Variants in ARFGEF1 observed in about 807,000 individuals in gnomAD.
ARFGEF1 encodes brefeldin A-inhibited guanine nucleotide-exchange protein 1.
ARFGEF1 carries 42 observed loss-of-function variants against 231.0 expected under a neutral mutation model. The ratio of observed to expected loss-of-function variants is 0.18; its 90% CI spans 0.14 to 0.24. ARFGEF1 has a LOEUF of 0.24. Among genes scored for constraint, ARFGEF1 ranks in the 10% least tolerant of loss-of-function variants. ARFGEF1 has a pLI of 1.00. For missense variants in ARFGEF1, 1,345 were observed against 2,192.0 expected (o/e 0.61, Z 7.72); for synonymous variants, 710 against 732.3 (o/e 0.97, Z 0.49).
rs1461745717 is a variant in ARFGEF1 at position 67,281,740 on chromosome 8, T to C, written c.1028-4283A>G. On this transcript the variant is annotated intron_variant, in intron 7 of 38. Transcript: ENST00000262215. Reference sequence around the variant, plus strand: ...AATATGAGTTCAGAAGGTGACCAAATAGGAGATAAATATGGAAAAACAAGA... The same window carrying C: ...AATATGAGTTCAGAAGGTGACCAAACAGGAGATAAATATGGAAAAACAAGA... Among the ~76,000 whole-genome samples the C allele has an allele frequency of 1.3e-5, 2 of 151,914 alleles. 1 individual carries two copies. Among genetic ancestry groups the C allele is most frequent in the Non-Finnish European group, 2.9e-5 (2 of 67,936 alleles).
At chr8:67,217,973 C>A (rs781655651) in intron 31 of ARFGEF1, 30 bp downstream of exon 31, 1 of 1,611,872 alleles carries the variant, frequency 6.2e-7, no homozygotes, top group African/African-American at 1.3e-5. Context: ...ACATTTAACA[C>A]TTTGTGTCAC....
At chr8:67,235,559 T>G (rs1587102273) in intron 22 of ARFGEF1, among the ~76,000 whole-genome samples, 2 of 152,316 alleles carry the variant, frequency 1.3e-5, no homozygotes, top group East Asian at 1.9e-4. Context: ...CCAGGTGCCA[T>G]GGCTCGTGCC....
chr8:67,236,365 A>AAATATATATATATATATAT (rs1554638966), intron 22 of ARFGEF1, among the ~76,000 whole-genome samples: 1 of 29,066 alleles, frequency 3.4e-5, no homozygotes, highest in Non-Finnish European at 5.9e-5. Flanking sequence ...AAAAAAAAAA[A>AAATATATATATATATATAT]ATATATATAT....
intron 1 of ARFGEF1, among the ~76,000 whole-genome samples, chr8:67,318,957 CCT>C (rs1807453246): frequency 6.6e-6 from 1 of 152,072 alleles, no homozygotes; most frequent in Non-Finnish European, 1.5e-5. Context: ...AGAACGAGAC[CCT>C]GTCTCAAAAC....
intron 5 of ARFGEF1, among the ~76,000 whole-genome samples, chr8:67,293,511 C>T (rs1019905892): frequency 6.6e-5 from 10 of 152,128 alleles, no homozygotes; most frequent in South Asian, 2.1e-4. Context: ...TAAATTAATG[C>T]CACTACAGAG....
chr8:67,288,804 A>T (rs1805872534), intron 6 of ARFGEF1, among the ~76,000 whole-genome samples: 1 of 152,162 alleles, frequency 6.6e-6, no homozygotes, highest in Admixed American at 6.5e-5. Context: ...ATGGTACTCT[A>T]TGGTGAGGTC....
At chr8:67,229,934 G>C (rs1447066850) in intron 23 of ARFGEF1, among the ~76,000 whole-genome samples, 2 of 152,106 alleles carry the variant, frequency 1.3e-5, no homozygotes, top group Non-Finnish European at 2.9e-5. Context: ...ACAGGGAAGG[G>C]AAGCAATAGA....
At chr8:67,235,084 A>ATG (rs746111295) in intron 22 of ARFGEF1, among the ~76,000 whole-genome samples, 1,251 of 121,954 alleles carry the variant, frequency 0.01, 12 homozygotes, top group Admixed American at 0.018. Flanking sequence ...ATATATATAT[A>ATG]TGTGTGTGTG....
chr8:67,343,367 A>G lies in ARFGEF1; in HGVS notation c.-80T>C. The G allele has an allele frequency of 2.0e-6, 3 of 1,480,310 alleles. No homozygotes were observed. Among genetic ancestry groups the G allele is most frequent in the Non-Finnish European group, 2.7e-6 (3 of 1,100,684 alleles). 91.7% of individuals were successfully genotyped at this position (1,480,310 alleles called of 1,614,324 possible). ...GGGGAGGAGGAGGAGAGGAAGGAAG[A>G]GAAGAGAGAAAGGAGAGGGGGTGGA... On this transcript the variant is annotated 5_prime_UTR_variant, in exon 1 of 39. Coordinates refer to ENST00000262215, the MANE Select transcript of ARFGEF1 (RefSeq NM_006421.5).
At chr8:67,219,305 T>C (rs1839068508) in intron 30 of ARFGEF1, 126 bp downstream of exon 30, 1 of 1,130,918 alleles carries the variant, frequency 8.8e-7, no homozygotes, top group African/African-American at 1.6e-5. Flanking sequence ...TACATTCTCA[T>C]GCCTTAAAGA....
intron 18 of ARFGEF1, 74 bp downstream of exon 18, chr8:67,253,377 C>G: frequency 7.2e-6 from 8 of 1,114,944 alleles, no homozygotes; most frequent in East Asian, 5.1e-5. Flanking sequence ...CACACCTGAC[C>G]ATAAGTGAAA....
chr8:67,250,838 T>C (rs1008236919), intron 19 of ARFGEF1, among the ~76,000 whole-genome samples: 6 of 152,326 alleles, frequency 3.9e-5, no homozygotes, highest in East Asian at 1.9e-4. Context: ...TCTCACTAAA[T>C]CAACCCACAA....
At chr8:67,229,983 G>A (rs963032648) in intron 23 of ARFGEF1, among the ~76,000 whole-genome samples, 5 of 152,104 alleles carry the variant, frequency 3.3e-5, no homozygotes, top group Admixed American at 2.0e-4. Context: ...AAAGGCAACA[G>A]GAGAGAGAAC....
chr8:67,321,553 C>G (rs1328024252), intron 1 of ARFGEF1, among the ~76,000 whole-genome samples: 1 of 152,084 alleles, frequency 6.6e-6, no homozygotes, highest in East Asian at 1.9e-4. Context: ...CTCCACCTCC[C>G]GGGTTCACGC....
chr8:67,210,859 C>T (rs928371136), intron 34 of ARFGEF1, among the ~76,000 whole-genome samples: 32 of 151,314 alleles, frequency 2.1e-4, no homozygotes, highest in African/African-American at 6.6e-4. Context: ...TTGAGACCAG[C>T]CTGGCCAACA....
At chr8:67,196,443 G>GAGTC (rs1483232787), downstream of ARFGEF1, among the ~76,000 whole-genome samples, 3 of 151,860 alleles carry the variant, frequency 2.0e-5, no homozygotes, top group African/African-American at 7.3e-5. Flanking sequence ...AAAAAGGAAA[G>GAGTC]AGTCATTCAA....
intron 34 of ARFGEF1, among the ~76,000 whole-genome samples, chr8:67,208,392 A>T (rs1016021105): frequency 2.6e-5 from 4 of 152,192 alleles, no homozygotes; most frequent in African/African-American, 9.6e-5. Flanking sequence ...GCACTTTGGG[A>T]GGCCAGGCAG....
intron 19 of ARFGEF1, among the ~76,000 whole-genome samples, chr8:67,249,852 C>T (rs1207782578): frequency 1.3e-5 from 2 of 152,124 alleles, no homozygotes; most frequent in East Asian, 3.9e-4. Flanking sequence ...GAACTCCTGA[C>T]CTGAAGCAAT....
At chr8:67,222,048 C>T (rs1376921212) in intron 29 of ARFGEF1, among the ~76,000 whole-genome samples, 2 of 150,522 alleles carry the variant, frequency 1.3e-5, no homozygotes, top group Non-Finnish European at 3.0e-5. Context: ...CTCCTTTCCT[C>T]GTGATCCGCC....
Sources: allele counts gnomAD v4.1 joint callset (sites outside exome capture counted in the v4.1 genomes callset), GRCh38; gene constraint gnomAD v4.1.1; transcripts MANE v1.5; gene names NCBI Gene and HGNC (gene_info 2026-07-23, HGNC 2026-07-21).